The following CTNND2 variants were observed in gnomAD, a reference collection of about 807,000 sequenced individuals.
The protein encoded by CTNND2 is catenin delta 2, also known as catenin delta-2.
Under a neutral mutation model 144.4 loss-of-function variants are expected in CTNND2, and 22 were observed. The observed-to-expected ratio is 0.15, with a 90% CI of 0.11 to 0.22. CTNND2 has a LOEUF of 0.22. Ranked by LOEUF, CTNND2 falls within the 10% of genes least tolerant of loss-of-function variation. The pLI is 1.00. For missense variants in CTNND2, 1,353 were observed against 1,618.8 expected (o/e 0.84, Z 2.82); for synonymous variants, 751 against 695.6 (o/e 1.08, Z -1.25).
chr5:11,292,284 G>T (rs1691157), intron 9 of CTNND2, among the ~76,000 whole-genome samples: 2 of 152,102 alleles, frequency 1.3e-5, no homozygotes, highest in East Asian at 3.9e-4. Context: ...ACACAGGGCC[G>T]TAGTAGATGT....
chr5:11,601,109 T>A (rs1779768878), intron 2 of CTNND2, among the ~76,000 whole-genome samples: 1 of 152,180 alleles, frequency 6.6e-6, no homozygotes, highest in Non-Finnish European at 1.5e-5. Context: ...TCTCTGAATG[T>A]ATAACTAAGG....
intron 8 of CTNND2, among the ~76,000 whole-genome samples, chr5:11,354,889 C>T (rs866062042): frequency 6.6e-6 from 1 of 152,120 alleles, no homozygotes; most frequent in African/African-American, 2.4e-5. Flanking sequence ...ACAGAGTCAA[C>T]ATCAAGTATC....
chr5:11,462,696 G>T (rs1766324151), intron 3 of CTNND2, among the ~76,000 whole-genome samples: 1 of 151,934 alleles, frequency 6.6e-6, no homozygotes, highest in Admixed American at 6.6e-5. Flanking sequence ...TAGTTGGGGT[G>T]CTCGAAAGTA....
chr5:11,710,677 A>C (rs1245272022), intron 2 of CTNND2, among the ~76,000 whole-genome samples: 1 of 152,196 alleles, frequency 6.6e-6, no homozygotes, highest in East Asian at 1.9e-4. Flanking sequence ...ACTGATGAAA[A>C]ACAAACATGA....
At chr5:11,673,230 T>A (rs1486556028) in intron 2 of CTNND2, among the ~76,000 whole-genome samples, 1 of 152,138 alleles carries the variant, frequency 6.6e-6, no homozygotes, top group East Asian at 1.9e-4. Context: ...ATGAGATAAA[T>A]CACATTTTCC....
chr5:11,240,702 ACACACACACACCCAAAACACACACTCAG>A, intron 9 of CTNND2, among the ~76,000 whole-genome samples: 1 of 133,442 alleles, frequency 7.5e-6, no homozygotes, highest in South Asian at 2.5e-4. Flanking sequence ...CAGACACCCA[ACACACACACACCCAAAACACACACTCAG>A]CACACACACA....
intron 3 of CTNND2, among the ~76,000 whole-genome samples, chr5:11,427,778 C>T (rs1762919569): frequency 6.6e-6 from 1 of 152,120 alleles, no homozygotes; most frequent in Non-Finnish European, 1.5e-5. Flanking sequence ...CCCCTCTCTC[C>T]CTCTTCATGT....
intron 11 of CTNND2, among the ~76,000 whole-genome samples, chr5:11,181,961 CTG>C (rs1364014327): frequency 1.1e-5 from 1 of 93,736 alleles, no homozygotes; most frequent in African/African-American, 4.2e-5. Context: ...TGCGTGGTAT[CTG>C]TGTAGTATGT....
chr5:11,389,441 A>G (rs536682926), intron 6 of CTNND2, among the ~76,000 whole-genome samples: 3 of 152,304 alleles, frequency 2.0e-5, no homozygotes, highest in African/African-American at 4.8e-5. Context: ...TATGTTTCAG[A>G]TGGGTCAGAT....
intron 8 of CTNND2, 56 bp from the exon 9 acceptor site, chr5:11,346,683 G>T (rs1209605359): frequency 1.4e-6 from 2 of 1,409,348 alleles, no homozygotes; most frequent in Non-Finnish European, 1.9e-6. Context: ...CACAGAAATG[G>T]TTAACCAGGT....
intron 4 of CTNND2, 146 bp downstream of exon 4, chr5:11,411,889 G>T (rs1247675759): frequency 9.6e-6 from 7 of 727,936 alleles, no homozygotes; most frequent in Non-Finnish European, 1.7e-5. Flanking sequence ...TCAATAAATT[G>T]TGAACTATCA....
intron 1 of CTNND2, among the ~76,000 whole-genome samples, chr5:11,848,011 A>G (rs1794827090): frequency 1.3e-5 from 2 of 152,046 alleles, no homozygotes; most frequent in Non-Finnish European, 2.9e-5. Context: ...TTATTTTAAT[A>G]TATTTTAAAA....
chr5:11,309,275 C>T (rs1750566064), intron 9 of CTNND2, among the ~76,000 whole-genome samples: 1 of 152,200 alleles, frequency 6.6e-6, no homozygotes, highest in Admixed American at 6.5e-5. Flanking sequence ...GCACTCAACG[C>T]CAGCCCATGA....
At chr5:11,789,752 T>G (rs1791033620) in intron 1 of CTNND2, among the ~76,000 whole-genome samples, 1 of 152,188 alleles carries the variant, frequency 6.6e-6, no homozygotes, top group South Asian at 2.1e-4. Flanking sequence ...TCAAATACAA[T>G]GTTGAATATT....
At position 10,973,718 on chromosome 5, in the gene CTNND2, A is replaced by G; in HGVS notation, c.3418-5T>C. 6.3e-7 allele frequency: 1 copy of G among 1,585,810 alleles called. No homozygotes were observed. Among genetic ancestry groups the G allele is most frequent in the Non-Finnish European group, 8.6e-7 (1 of 1,165,980 alleles). Reference sequence around the variant, plus strand: ...TGGGACTGGCTGTGCTGAAACCTAAACGGGAAAGAAGAGCCACACTGGGTT... The same window carrying G: ...TGGGACTGGCTGTGCTGAAACCTAAGCGGGAAAGAAGAGCCACACTGGGTT... On this transcript the variant is annotated splice_region_variant and splice_polypyrimidine_tract_variant and intron_variant, in intron 21 of 21. Coordinates refer to ENST00000304623, the MANE Select transcript of CTNND2 (RefSeq NM_001332.4). This position sits in a 1 kb window ranked among gnomAD's most constrained non-coding sequence, Gnocchi z 5.6.
chr5:10,979,765 C>G (rs770251325), intron 21 of CTNND2, among the ~76,000 whole-genome samples: 1 of 152,194 alleles, frequency 6.6e-6, no homozygotes, highest in Non-Finnish European at 1.5e-5. Flanking sequence ...CTACAACCAT[C>G]TGATCTTTGA....
At chr5:11,399,536 T>G (rs1436554566) in intron 5 of CTNND2, among the ~76,000 whole-genome samples, 2 of 152,242 alleles carry the variant, frequency 1.3e-5, no homozygotes, top group Admixed American at 1.3e-4. Flanking sequence ...TTACAAATGC[T>G]GTCTGTACAG....
intron 16 of CTNND2, among the ~76,000 whole-genome samples, chr5:11,057,762 T>C (rs1472072580): frequency 6.6e-6 from 1 of 152,214 alleles, no homozygotes; most frequent in Non-Finnish European, 1.5e-5. Context: ...TGGGAAAGTT[T>C]GGAACTTCCT....
chr5:11,371,864 T>C (rs189041815), intron 7 of CTNND2, among the ~76,000 whole-genome samples: 43 of 152,304 alleles, frequency 2.8e-4, no homozygotes, highest in Non-Finnish European at 3.8e-4. Flanking sequence ...AAAGATAAAA[T>C]TGCACTGAAA....
Sources: gnomAD v4.1 joint callset for allele counts (sites outside exome capture counted in the v4.1 genomes callset) on GRCh38, gnomAD v4.1.1 for gene constraint, Gnocchi (gnomAD v3.1) non-coding constraint, MANE v1.5 for transcripts, NCBI Gene and HGNC (gene_info 2026-07-23, HGNC 2026-07-21) for gene names.